SLC8A1: variants seen among roughly 807,000 people sequenced by gnomAD.
The protein encoded by SLC8A1 is sodium/calcium exchanger 1.
In SLC8A1, 18 loss-of-function variants were observed where a neutral mutation model predicts 68.3. The observed-to-expected ratio is 0.26, with a 90% CI of 0.18 to 0.39. The LOEUF (loss-of-function observed/expected upper bound fraction) is 0.39, where lower values mean the gene tolerates loss of function less well. SLC8A1 is among the 10% of genes least tolerant of loss of function. The probability of loss-of-function intolerance (pLI) is 1.00; values close to 1 mark genes in which losing one functional copy is unlikely to be tolerated. For missense variants in SLC8A1, 985 were observed against 1,156.7 expected (o/e 0.85, Z 2.15); for synonymous variants, 475 against 415.5 (o/e 1.14, Z -1.74).
intron 2 of SLC8A1, among the ~76,000 whole-genome samples, chr2:40,320,810 T>C (rs2075092536): frequency 6.6e-6 from 1 of 152,152 alleles, no homozygotes; most frequent in Admixed American, 6.6e-5. Flanking sequence ...TTAATGGAAA[T>C]GCATTAAAAT....
rs139172510 is a variant in SLC8A1 at position 40,268,772 on chromosome 2, T to G, written c.1809-90917A>C. On this transcript the variant is annotated intron_variant, in intron 2 of 7. Transcript: ENST00000406785. ...TCTCAGTGAGTGACAGCCCAAGAACTAAGAGAGGTCAGAGAAAGTCCAACA... is the reference window on the plus strand; with the variant it reads ...TCTCAGTGAGTGACAGCCCAAGAACGAAGAGAGGTCAGAGAAAGTCCAACA... Among the ~76,000 whole-genome samples, 380 of 152,154 alleles carry G rather than the reference T, an allele frequency of 2.5e-3. 2 individuals are homozygous for G. Among genetic ancestry groups the G allele is most frequent in the African/African-American group, 8.8e-3 (364 of 41,522 alleles).
intron 1 of SLC8A1, among the ~76,000 whole-genome samples, chr2:40,462,001 CTTTTTTTTTTTT>C (rs370223854): frequency 1.5e-5 from 1 of 66,176 alleles, no homozygotes; most frequent in Non-Finnish European, 2.9e-5. Flanking sequence ...TAAAATCCTC[CTTTTTTTTTTTT>C]TTTTTTTTTT....
chr2:40,467,212 T>A (rs1703731795), intron 1 of SLC8A1, among the ~76,000 whole-genome samples: 1 of 152,168 alleles, frequency 6.6e-6, no homozygotes, highest in Non-Finnish European at 1.5e-5. Context: ...TCAGCTTCAA[T>A]TTTTACGTGT....
chr2:40,334,725 T>C (rs1653728776), intron 2 of SLC8A1, among the ~76,000 whole-genome samples: 2 of 152,142 alleles, frequency 1.3e-5, no homozygotes, highest in Non-Finnish European at 2.9e-5. Flanking sequence ...ATTGATCAAA[T>C]GACGTGCTAT....
At chr2:40,371,044 A>G (rs1291125911) in intron 2 of SLC8A1, among the ~76,000 whole-genome samples, 1 of 152,080 alleles carries the variant, frequency 6.6e-6, no homozygotes, top group Non-Finnish European at 1.5e-5. Context: ...TCTTACTTTC[A>G]GAAAGGTTTT....
At chr2:40,419,484 C>G (rs902983872) in intron 2 of SLC8A1, among the ~76,000 whole-genome samples, 1 of 152,070 alleles carries the variant, frequency 6.6e-6, no homozygotes, top group African/African-American at 2.4e-5. Context: ...CTCTCCCCCT[C>G]CTTCTTTCTC....
At chr2:40,188,005 T>C (rs565596221) in intron 2 of SLC8A1, among the ~76,000 whole-genome samples, 25 of 152,198 alleles carry the variant, frequency 1.6e-4, no homozygotes, top group Non-Finnish European at 1.3e-4. Flanking sequence ...GTCTGTTACC[T>C]ACACATGCCT....
chr2:40,314,154 G>T (rs1419053173), intron 2 of SLC8A1, among the ~76,000 whole-genome samples: 1 of 151,910 alleles, frequency 6.6e-6, no homozygotes, highest in African/African-American at 2.4e-5. Context: ...TTAGGTTTCA[G>T]ATACATTTGG....
At chr2:40,115,157 AGTG>A (rs2035086104) in exon 8 of SLC8A1, 1 of 921,888 alleles carries the variant, frequency 1.1e-6, no homozygotes, top group African/African-American at 1.7e-5. Context: ...TCAGCAGGTA[AGTG>A]AACATGACAA....
intron 2 of SLC8A1, among the ~76,000 whole-genome samples, chr2:40,250,667 T>G (rs2062596541): frequency 6.6e-6 from 1 of 152,172 alleles, no homozygotes; most frequent in South Asian, 2.1e-4. Flanking sequence ...CTAAAGAAAC[T>G]TTCGCCTAAC....
At chr2:40,226,451 C>A (rs1186787352) in intron 2 of SLC8A1, among the ~76,000 whole-genome samples, 1 of 152,060 alleles carries the variant, frequency 6.6e-6, no homozygotes, top group Non-Finnish European at 1.5e-5. Flanking sequence ...CATGCATCTG[C>A]CAAGGCACAG....
intron 6 of SLC8A1, among the ~76,000 whole-genome samples, chr2:40,155,633 C>G (rs1057105780): frequency 6.6e-6 from 1 of 152,136 alleles, no homozygotes; most frequent in Admixed American, 6.5e-5. Flanking sequence ...AGTAGATTAG[C>G]CTTCAGGCTG....
intron 2 of SLC8A1, among the ~76,000 whole-genome samples, chr2:40,347,119 G>A (rs1283552677): frequency 6.6e-6 from 1 of 152,074 alleles, no homozygotes; most frequent in African/African-American, 2.4e-5. Context: ...TCAAATTTTG[G>A]CTTTGCTACA....
At chr2:40,236,870 G>C (rs1250623638) in intron 2 of SLC8A1, among the ~76,000 whole-genome samples, 3 of 151,256 alleles carry the variant, frequency 2.0e-5, no homozygotes, top group Non-Finnish European at 4.4e-5. Flanking sequence ...AGCTTAGTTT[G>C]GCTGGATATG....
At chr2:40,147,735 G>A (rs766556455) in intron 6 of SLC8A1, among the ~76,000 whole-genome samples, 1 of 152,120 alleles carries the variant, frequency 6.6e-6, no homozygotes, top group East Asian at 1.9e-4. Context: ...TGTATATAAA[G>A]GGTAAATGTA....
At chr2:40,475,644 A>C (rs1243324351) in intron 1 of SLC8A1, among the ~76,000 whole-genome samples, 1 of 152,156 alleles carries the variant, frequency 6.6e-6, no homozygotes, top group East Asian at 1.9e-4. Flanking sequence ...ATACATGTAC[A>C]CATGCATACA....
intron 2 of SLC8A1, among the ~76,000 whole-genome samples, chr2:40,257,894 C>T (rs2064155340): frequency 6.6e-6 from 1 of 151,812 alleles, no homozygotes; most frequent in Admixed American, 6.6e-5. Flanking sequence ...TAAAGCATTT[C>T]CCGCAGCAAA....
intron 2 of SLC8A1, among the ~76,000 whole-genome samples, chr2:40,258,258 T>G (rs1284198590): frequency 6.6e-6 from 1 of 152,170 alleles, no homozygotes; most frequent in Non-Finnish European, 1.5e-5. Context: ...GTTCCTTCAT[T>G]AAGTGAGCAT....
chr2:40,356,111 T>TCA (rs938316771), intron 2 of SLC8A1, among the ~76,000 whole-genome samples: 2 of 152,176 alleles, frequency 1.3e-5, no homozygotes, highest in African/African-American at 2.4e-5. Context: ...TTACTGAGCT[T>TCA]CACCTCCTCT....
Sources: gnomAD v4.1 joint callset for allele counts (sites outside exome capture counted in the v4.1 genomes callset) on GRCh38, gnomAD v4.1.1 for gene constraint, MANE v1.5 for transcripts, NCBI Gene and HGNC (gene_info 2026-07-23, HGNC 2026-07-21) for gene names.